Variants in ABI1 observed in about 807,000 individuals in gnomAD.
ABI1 encodes the protein Abelson interactor 1.
Under a neutral mutation model 54.6 loss-of-function variants are expected in ABI1, and 14 were observed. That is an observed-to-expected ratio of 0.26 (90% CI 0.17 to 0.40). ABI1 has a LOEUF of 0.40. ABI1 is among the 10% of genes least tolerant of loss of function. The probability of loss-of-function intolerance (pLI) is 1.00; values close to 1 mark genes in which losing one functional copy is unlikely to be tolerated. For synonymous variants in ABI1, 194 were observed against 209.3 expected, an observed-to-expected ratio of 0.93 and a Z score of 0.63; for missense variants, 443 against 598.3, an observed-to-expected ratio of 0.74 and a Z score of 2.71.
intron 2 of ABI1, among the ~76,000 whole-genome samples, chr10:26,821,352 CAT>C (rs2047970736): frequency 6.7e-6 from 1 of 148,990 alleles, no homozygotes; most frequent in East Asian, 2.0e-4. Flanking sequence ...AAAACAAAAA[CAT>C]AGAAAATTAA....
intron 2 of ABI1, among the ~76,000 whole-genome samples, chr10:26,821,455 T>C (rs974433538): frequency 6.6e-6 from 1 of 152,082 alleles, no homozygotes; most frequent in Non-Finnish European, 1.5e-5. Context: ...ATTACCAATA[T>C]GAAGAATGAG....
chr10:26,800,867 A>G (rs1487212463), intron 2 of ABI1, among the ~76,000 whole-genome samples: 1 of 152,188 alleles, frequency 6.6e-6, no homozygotes, highest in Non-Finnish European at 1.5e-5. Context: ...TTAGCCAGAC[A>G]TGGTGGCACA....
chr10:26,819,649 T>C (rs1172653544), intron 2 of ABI1, among the ~76,000 whole-genome samples: 1 of 152,164 alleles, frequency 6.6e-6, no homozygotes, highest in Non-Finnish European at 1.5e-5. Context: ...ACAAAACATT[T>C]ACCAAGACAG....
chr10:26,844,805 A>G (rs1313075127), intron 1 of ABI1, among the ~76,000 whole-genome samples: 1 of 152,210 alleles, frequency 6.6e-6, no homozygotes, highest in East Asian at 1.9e-4. Flanking sequence ...GCAGCCACCC[A>G]TATCTCCTTC....
intron 7 of ABI1, among the ~76,000 whole-genome samples, chr10:26,763,660 C>T (rs1019583981): frequency 6.6e-6 from 1 of 152,090 alleles, no homozygotes; most frequent in Non-Finnish European, 1.5e-5. Context: ...GGTTATAAAC[C>T]AAGCATTTCA....
intron 1 of ABI1, among the ~76,000 whole-genome samples, chr10:26,854,027 C>T (rs10829117): frequency 1.3e-5 from 2 of 152,006 alleles, no homozygotes; most frequent in Non-Finnish European, 2.9e-5. Flanking sequence ...AATAAGGTTA[C>T]TGTAAATGGT....
intron 1 of ABI1, among the ~76,000 whole-genome samples, chr10:26,851,078 C>CG (rs11408702): frequency 0.26 from 39,015 of 151,890 alleles, 5,693 homozygotes; most frequent in South Asian, 0.44. Context: ...AAAAAAAGCA[C>CG]ATGAGAACTA....
chr10:26,784,051 C>T (rs1406228158), intron 2 of ABI1, among the ~76,000 whole-genome samples: 1 of 152,110 alleles, frequency 6.6e-6, no homozygotes, highest in East Asian at 1.9e-4. Context: ...GGGAAAACAC[C>T]TTAGATGCGG....
chr10:26,823,092 TG>T, intron 2 of ABI1, 45 bp downstream of exon 2: 1 of 1,499,646 alleles, frequency 6.7e-7, no homozygotes, highest in Non-Finnish European at 9.0e-7. Flanking sequence ...TGGCATATGC[TG>T]TAGTTTTTTT....
At chr10:26,802,466 T>C (rs1370086165) in intron 2 of ABI1, among the ~76,000 whole-genome samples, 1 of 152,176 alleles carries the variant, frequency 6.6e-6, no homozygotes, top group African/African-American at 2.4e-5. Flanking sequence ...AACAGGCAAT[T>C]GTTTGAGAGA....
At chr10:26,769,092 G>T in intron 5 of ABI1, 100 bp from the exon 6 acceptor site, 1 of 878,396 alleles carries the variant, frequency 1.1e-6, no homozygotes, top group Non-Finnish European at 1.6e-6. Flanking sequence ...TGTATACCAG[G>T]ATTTAAAAAT....
At chr10:26,750,616 T>C (rs1837503119) in intron 10 of ABI1, among the ~76,000 whole-genome samples, 1 of 152,188 alleles carries the variant, frequency 6.6e-6, no homozygotes, top group Non-Finnish European at 1.5e-5. Context: ...GTTAACCCAG[T>C]AAAGTCAATA....
intron 2 of ABI1, among the ~76,000 whole-genome samples, chr10:26,782,688 A>C (rs1842260523): frequency 6.7e-6 from 1 of 149,470 alleles, no homozygotes; most frequent in Non-Finnish European, 1.5e-5. Flanking sequence ...ATGCCACTGC[A>C]CTCCAGCCTG....
chr10:26,838,881 C>T (rs551683405), intron 1 of ABI1, among the ~76,000 whole-genome samples: 72 of 152,346 alleles, frequency 4.7e-4, no homozygotes, highest in African/African-American at 1.5e-3. Flanking sequence ...AGACCACGGT[C>T]TGCCACTATG....
At chr10:26,754,370 A>G (rs1452875886) in intron 9 of ABI1, among the ~76,000 whole-genome samples, 3 of 152,164 alleles carry the variant, frequency 2.0e-5, no homozygotes, top group Admixed American at 6.5e-5. Context: ...CTGATTATTC[A>G]TATCTTTTTA....
At chr10:26,824,738 A>T (rs2048201117) in intron 1 of ABI1, among the ~76,000 whole-genome samples, 1 of 152,018 alleles carries the variant, frequency 6.6e-6, no homozygotes, top group Admixed American at 6.6e-5. Flanking sequence ...ACAGGAGGAG[A>T]GGTAATAAAT....
In ABI1 at chr10:26,765,147, T is replaced by C. The variant is rs577364360; in HGVS notation, c.820+71A>G. 1.1e-4 allele frequency: 117 copies of C among 1,111,872 alleles called. No individual in the cohort carries two copies. The South Asian group carries it at 1.4e-3, about 14-fold the overall frequency. 68.9% of individuals were successfully genotyped at this position (1,111,872 alleles called of 1,614,324 possible). A position where few individuals can be genotyped will look rare whatever the true frequency, so the allele number is the denominator to read the frequency against. ...AATAATTTTACTCAATATGACTAAT[T>C]TATTTCAGCCTTCCACAATAAAGCT... On this transcript the variant is annotated intron_variant, in intron 7 of 10. Transcript: ENST00000376140.
intron 6 of ABI1, 67 bp from the exon 7 acceptor site, chr10:26,765,385 A>G: frequency 2.7e-6 from 3 of 1,108,288 alleles, no homozygotes; most frequent in South Asian, 1.5e-5. Flanking sequence ...AACTGTAATC[A>G]CCCAAGGCCA....
chr10:26,797,397 A>AG (rs1844323277), intron 2 of ABI1, among the ~76,000 whole-genome samples: 1 of 152,224 alleles, frequency 6.6e-6, no homozygotes, highest in East Asian at 1.9e-4. Flanking sequence ...AAGCACGACT[A>AG]GGGATAGGAA....
Sources: allele counts gnomAD v4.1 joint callset (sites outside exome capture counted in the v4.1 genomes callset), GRCh38; gene constraint gnomAD v4.1.1; transcripts MANE v1.5; gene names NCBI Gene and HGNC (gene_info 2026-07-23, HGNC 2026-07-21).